Variants in CCDC171 observed in about 807,000 individuals in gnomAD.
The protein encoded by CCDC171 is coiled-coil domain containing 171, also known as coiled-coil domain-containing protein 171.
In CCDC171, 177 loss-of-function variants were observed where a neutral mutation model predicts 168.2. That is an observed-to-expected ratio of 1.05 (90% CI 0.93 to 1.19). The LOEUF (loss-of-function observed/expected upper bound fraction) is 1.19. Among genes scored for constraint, CCDC171 ranks in the 50% most tolerant of loss-of-function variants. CCDC171 has a pLI of 0.00. For missense variants in CCDC171, 1,991 were observed against 1,539.0 expected, an observed-to-expected ratio of 1.29 and a Z score of -4.91; for synonymous variants, 687 against 540.8, an observed-to-expected ratio of 1.27 and a Z score of -3.75.
At chr9:15,966,986 T>C (rs1830859353) in intron 25 of CCDC171, among the ~76,000 whole-genome samples, 1 of 152,116 alleles carries the variant, frequency 6.6e-6, no homozygotes, top group South Asian at 2.1e-4. Context: ...ATGTATGTTT[T>C]TATGTGTATA....
chr9:15,594,264 G>T (rs2042185404), intron 6 of CCDC171, 92 bp downstream of exon 6: 2 of 722,740 alleles, frequency 2.8e-6, no homozygotes, highest in South Asian at 4.7e-5. Context: ...TCGCTCAAAG[G>T]GAAAATAATT....
downstream of CCDC171, among the ~76,000 whole-genome samples, chr9:15,977,890 T>C (rs1410959102): frequency 5.3e-5 from 8 of 152,220 alleles, no homozygotes; most frequent in African/African-American, 1.9e-4. Flanking sequence ...AAATGTGATC[T>C]AGGACGAATG....
chr9:15,556,466 T>C (rs183338430), intron 1 of CCDC171, among the ~76,000 whole-genome samples: 1 of 152,162 alleles, frequency 6.6e-6, no homozygotes, highest in Non-Finnish European at 1.5e-5. Context: ...ATTGTGGTTT[T>C]GATTTGCATT....
the CCDC171 span, among the ~76,000 whole-genome samples, chr9:16,080,063 C>A: frequency 4.6e-5 from 7 of 152,166 alleles, no homozygotes; most frequent in African/African-American, 1.7e-4. Flanking sequence ...AAATCTGCTG[C>A]CTTGGAATAA....
intron 25 of CCDC171, among the ~76,000 whole-genome samples, chr9:15,929,767 T>C (rs1485067161): frequency 2.6e-5 from 4 of 151,798 alleles, no homozygotes; most frequent in African/African-American, 2.4e-5. Context: ...AACACAGATA[T>C]GGTCAGGTCA....
intron 23 of CCDC171, among the ~76,000 whole-genome samples, chr9:15,850,918 C>A (rs1361608): frequency 0.067 from 10,234 of 151,964 alleles, 905 homozygotes; most frequent in African/African-American, 0.2. Flanking sequence ...TACTGTGCAC[C>A]GTAAAATAGT....
intron 21 of CCDC171, among the ~76,000 whole-genome samples, chr9:15,835,038 G>A (rs1353100616): frequency 6.6e-6 from 1 of 152,160 alleles, no homozygotes; most frequent in Non-Finnish European, 1.5e-5. Context: ...TTGATTTGGG[G>A]TTTCTAAGCT....
chr9:15,918,545 T>C (rs988624880), intron 24 of CCDC171, among the ~76,000 whole-genome samples: 1 of 151,646 alleles, frequency 6.6e-6, no homozygotes, highest in African/African-American at 2.4e-5. Context: ...GTAATTCAAG[T>C]TTCTGATTTT....
At chr9:16,040,588 AT>A (rs1833556763), upstream of CCDC171, among the ~76,000 whole-genome samples, 1 of 152,300 alleles carries the variant, frequency 6.6e-6, no homozygotes, top group East Asian at 1.9e-4. Context: ...CAGGAATTTG[AT>A]TGTTTGCAGT....
chr9:16,028,083 G>C (rs1222184907), intron 6 of CCDC171, among the ~76,000 whole-genome samples: 2 of 152,130 alleles, frequency 1.3e-5, no homozygotes, highest in Non-Finnish European at 2.9e-5. Context: ...TTCCAGGGAG[G>C]GGGGCCAGCA....
intron 4 of CCDC171, among the ~76,000 whole-genome samples, chr9:15,590,410 T>G (rs562932511): frequency 2.0e-5 from 3 of 152,340 alleles, no homozygotes; most frequent in Admixed American, 6.5e-5. Context: ...TTATTTCTAG[T>G]GAGAATCAGA....
At chr9:15,797,404 C>T (rs1319242503) in intron 21 of CCDC171, among the ~76,000 whole-genome samples, 5 of 151,976 alleles carry the variant, frequency 3.3e-5, no homozygotes, top group African/African-American at 9.7e-5. Flanking sequence ...TTTGTAGAGA[C>T]GGGGTTTCTC....
At chr9:15,824,653 G>A (rs2059938943) in intron 21 of CCDC171, among the ~76,000 whole-genome samples, 1 of 152,048 alleles carries the variant, frequency 6.6e-6, no homozygotes, top group Admixed American at 6.6e-5. Flanking sequence ...ACAGAACAAC[G>A]TATATACAGG....
chr9:15,801,335 GGTTAA>G (rs1247315580), intron 21 of CCDC171, among the ~76,000 whole-genome samples: 1 of 151,742 alleles, frequency 6.6e-6, no homozygotes, highest in Admixed American at 6.6e-5. Flanking sequence ...TAACTTATTT[GGTTAA>G]GTTAATTCCT....
chr9:15,559,078 T>A (rs2039053215), intron 1 of CCDC171, among the ~76,000 whole-genome samples: 1 of 152,174 alleles, frequency 6.6e-6, no homozygotes, highest in Admixed American at 6.6e-5. Flanking sequence ...TGTAGTTTGA[T>A]TGCAGTGTGG....
At chr9:16,009,766 A>G (rs944532754) in intron 3 of CCDC171, among the ~76,000 whole-genome samples, 1 of 152,174 alleles carries the variant, frequency 6.6e-6, no homozygotes. Flanking sequence ...ATTTAGTCCA[A>G]TATTATTTGG....
intron 6 of CCDC171, among the ~76,000 whole-genome samples, chr9:15,602,632 C>CTTTTTTTTTTTTTTCTTTTT (rs2042938478): frequency 3.2e-5 from 1 of 31,002 alleles, no homozygotes; most frequent in African/African-American, 9.7e-5. Flanking sequence ...TTTCTCATTT[C>CTTTTTTTTTTTTTTCTTTTT]TTTTTTTTTT....
At chr9:15,834,622 G>C (rs560819023) in intron 21 of CCDC171, among the ~76,000 whole-genome samples, 51 of 152,250 alleles carry the variant, frequency 3.3e-4, no homozygotes, top group African/African-American at 1.2e-3. Context: ...GTGCTGGCGA[G>C]TATTATTTTC....
chr9:16,018,640 G>C (rs1462211888), intron 3 of CCDC171, among the ~76,000 whole-genome samples: 1 of 152,192 alleles, frequency 6.6e-6, no homozygotes, highest in East Asian at 1.9e-4. Flanking sequence ...TATAATTCCA[G>C]GGTTCACTGA....
Sources: allele counts gnomAD v4.1 joint callset (sites outside exome capture counted in the v4.1 genomes callset), GRCh38; gene constraint gnomAD v4.1.1; transcripts MANE v1.5; gene names NCBI Gene and HGNC (gene_info 2026-07-23, HGNC 2026-07-21).